IRAG1: variants seen among roughly 807,000 people sequenced by gnomAD.
IRAG1 encodes the protein IP3R-associated cGMP kinase substrate.
A neutral mutation model predicts 106.2 loss-of-function variants in IRAG1; 62 were observed. The ratio of observed to expected loss-of-function variants is 0.58; its 90% CI spans 0.48 to 0.72. The LOEUF is 0.72. IRAG1 is among the 30% of genes least tolerant of loss of function. The pLI, the probability that IRAG1 is intolerant of heterozygous loss-of-function variation, is 0.00. For missense variants in IRAG1, 1,064 were observed against 1,140.7 expected, an observed-to-expected ratio of 0.93 and a Z score of 0.97; for synonymous variants, 462 against 443.9, an observed-to-expected ratio of 1.04 and a Z score of -0.51.
At chr11:10,608,988 TTG>T (rs1354613972) in intron 11 of IRAG1, among the ~76,000 whole-genome samples, 2 of 152,210 alleles carry the variant, frequency 1.3e-5, no homozygotes, top group Non-Finnish European at 2.9e-5. Context: ...ATGAGTTAAT[TTG>T]TGTGTTTTGT....
intron 15 of IRAG1, among the ~76,000 whole-genome samples, chr11:10,595,517 A>ATTT (rs1853198695): frequency 1.3e-5 from 2 of 152,184 alleles, no homozygotes; most frequent in Non-Finnish European, 2.9e-5. Flanking sequence ...TCTTAAAATA[A>ATTT]TAACCCTCCC....
In IRAG1 at chr11:10,573,185, A is replaced by G. The variant is rs1850673007; in HGVS notation, c.*3147T>C. On this transcript the variant is annotated 3_prime_UTR_variant, in exon 21 of 21. Transcript: ENST00000423302. ...CTGTGTGAGGCTTAACAACATGAGG[A>G]ACTGATAGCCAGTGATACACAAATC... 1 of 152,252 alleles carries G rather than the reference A, an allele frequency of 6.6e-6. No individual in the cohort carries two copies. Among genetic ancestry groups the G allele is most frequent in the South Asian group, 2.1e-4 (1 of 4,830 alleles). The allele number at this position is 152,252 out of a possible 1,614,324, so 9.4% of individuals were successfully genotyped here.
At position 10,603,267 on chromosome 11, in the gene IRAG1, A is replaced by G. The variant is rs1854183839; in HGVS notation, c.1744-16T>C. ...AAGCTGAGGACTGAACAGGAGTAGGAGCATCACCTGGGGTCCTCAAATAAT... is the reference window on the plus strand; with the variant it reads ...AAGCTGAGGACTGAACAGGAGTAGGGGCATCACCTGGGGTCCTCAAATAAT... On this transcript the variant is annotated splice_polypyrimidine_tract_variant and intron_variant, in intron 13 of 20. Coordinates refer to ENST00000423302, the MANE Select transcript of IRAG1 (RefSeq NM_130385.4). 1 of 1,612,948 alleles carries G rather than the reference A, an allele frequency of 6.2e-7. No homozygotes were observed. The highest frequency in any genetic ancestry group is 8.5e-7 in the Non-Finnish European group (1 of 1,179,514).
intron 2 of IRAG1, among the ~76,000 whole-genome samples, chr11:10,648,793 GTA>G (rs1858192621): frequency 1.3e-5 from 2 of 151,772 alleles, no homozygotes; most frequent in Non-Finnish European, 2.9e-5. Context: ...GCATGCCTGT[GTA>G]TCTGCGTGTG....
At position 10,647,873 on chromosome 11, in the gene IRAG1, G is replaced by C. The variant is rs1232776185; in HGVS notation, c.225+4152C>G. Among the ~76,000 whole-genome samples the C allele has an allele frequency of 1.3e-5, 2 of 152,076 alleles. No homozygotes were observed. The highest frequency in any genetic ancestry group is 4.8e-5 in the African/African-American group (2 of 41,410). On this transcript the variant is annotated intron_variant, in intron 2 of 20. Coordinates refer to ENST00000423302, the MANE Select transcript of IRAG1 (RefSeq NM_130385.4). This position sits in a 1 kb window ranked among gnomAD's most constrained non-coding sequence, Gnocchi z 4.3. ...ATGGGAGCAAAGACTGAAGAAACTA[G>C]AGAAAAAGAGACTCTGAGAAGACTC...
intron 18 of IRAG1, among the ~76,000 whole-genome samples, chr11:10,585,748 C>T (rs1352052609): frequency 6.6e-6 from 1 of 152,020 alleles, no homozygotes; most frequent in Non-Finnish European, 1.5e-5. Flanking sequence ...GCACTATCTG[C>T]CACCTAGGTG....
chr11:10,624,021 G>A (rs1194274803), intron 9 of IRAG1, among the ~76,000 whole-genome samples, 165 bp from the exon 10 acceptor site: 1 of 151,970 alleles, frequency 6.6e-6, no homozygotes, highest in Non-Finnish European at 1.5e-5. Context: ...GAAGCACCAG[G>A]AAATAGTTCC....
chr11:10,611,901 AG>A (rs1854993383), intron 10 of IRAG1, among the ~76,000 whole-genome samples: 1 of 152,156 alleles, frequency 6.6e-6, no homozygotes. Flanking sequence ...CATTTCGAAG[AG>A]AGAAAAAACT....
intron 2 of IRAG1, among the ~76,000 whole-genome samples, chr11:10,636,020 G>A (rs1158227174): frequency 6.6e-6 from 1 of 152,170 alleles, no homozygotes; most frequent in Non-Finnish European, 1.5e-5. Context: ...GCAGAAGGAA[G>A]CAGCATTGCC....
At chr11:10,627,946 A>G (rs1411741889) in intron 7 of IRAG1, 27 bp downstream of exon 7, 2 of 1,593,602 alleles carry the variant, frequency 1.3e-6, no homozygotes, top group East Asian at 4.5e-5. Flanking sequence ...GCATAGAAAC[A>G]GCACAGCAGG....
At chr11:10,613,856 C>A (rs1424130558) in intron 10 of IRAG1, among the ~76,000 whole-genome samples, 1 of 152,144 alleles carries the variant, frequency 6.6e-6, no homozygotes, top group African/African-American at 2.4e-5. Context: ...GGAGTGACAG[C>A]CCCTCTCAAG....
At chr11:10,588,699 C>T (rs1219424049) in intron 18 of IRAG1, among the ~76,000 whole-genome samples, 2 of 152,142 alleles carry the variant, frequency 1.3e-5, no homozygotes, top group Admixed American at 6.5e-5. Flanking sequence ...CCCAGTTCCC[C>T]CAACCTTACA....
At chr11:10,633,307 C>T (rs561756619) in intron 3 of IRAG1, among the ~76,000 whole-genome samples, 4 of 152,108 alleles carry the variant, frequency 2.6e-5, no homozygotes, top group Non-Finnish European at 4.4e-5. Context: ...GATCTCCTGA[C>T]CTCATGATTC....
intron 11 of IRAG1, among the ~76,000 whole-genome samples, 189 bp downstream of exon 11, chr11:10,609,539 G>C (rs1008426762): frequency 1.1e-4 from 17 of 152,158 alleles, no homozygotes; most frequent in Admixed American, 5.9e-4. Flanking sequence ...CCTGGCCTTT[G>C]AGTTGAAAAC....
At chr11:10,687,296 A>G (rs1185107254) in intron 1 of IRAG1, among the ~76,000 whole-genome samples, 1 of 152,230 alleles carries the variant, frequency 6.6e-6, no homozygotes, top group African/African-American at 2.4e-5. Context: ...CACCAAGAGA[A>G]TGGCTATCTG....
intron 10 of IRAG1, among the ~76,000 whole-genome samples, chr11:10,612,122 C>T (rs1246330267): frequency 1.3e-5 from 2 of 152,172 alleles, no homozygotes; most frequent in Non-Finnish European, 2.9e-5. Flanking sequence ...ATGTTCTCCC[C>T]CGACTCCTGA....
At chr11:10,586,172 GGTGGGTAGGGGGGAGTGGAGGGGTT>G (rs1333348271) in intron 18 of IRAG1, 1 of 151,916 alleles carries the variant, frequency 6.6e-6, no homozygotes, top group East Asian at 1.9e-4. Context: ...GTGTGTGGAG[GGTGGGTAGGGGGGAGTGGAGGGGTT>G]GTGGGTAGGG....
At chr11:10,652,230 C>T (rs377471054) in intron 1 of IRAG1, 48 bp from the exon 2 acceptor site, 20 of 1,601,504 alleles carry the variant, frequency 1.2e-5, no homozygotes, top group Admixed American at 1.7e-5. Flanking sequence ...CATCCCTGTC[C>T]CAAGCTGGGT....
intron 15 of IRAG1, among the ~76,000 whole-genome samples, chr11:10,598,966 C>T (rs1038989381): frequency 2.6e-5 from 4 of 152,190 alleles, no homozygotes. Flanking sequence ...TATTAGGGAA[C>T]AGTCATAGAG....
Sources: allele counts gnomAD v4.1 joint callset (sites outside exome capture counted in the v4.1 genomes callset), GRCh38; gene constraint gnomAD v4.1.1; non-coding constraint Gnocchi (gnomAD v3.1); transcripts MANE v1.5; gene names NCBI Gene and HGNC (gene_info 2026-07-23, HGNC 2026-07-21).